The following KLC2 variants were observed in gnomAD, a reference collection of about 807,000 sequenced individuals.
KLC2 encodes KLC 2.
A neutral mutation model predicts 75.1 loss-of-function variants in KLC2; 35 were observed. The ratio of observed to expected loss-of-function variants is 0.47; its 90% CI spans 0.36 to 0.62. The LOEUF (loss-of-function observed/expected upper bound fraction) is 0.62. Among genes scored for constraint, KLC2 ranks in the 20% least tolerant of loss-of-function variants. KLC2 has a pLI of 0.00. For synonymous variants in KLC2, 314 were observed against 336.7 expected (o/e 0.93, Z 0.74); for missense variants, 611 against 833.2 (o/e 0.73, Z 3.28).
In KLC2 at chr11:66,261,843, T is replaced by G. The variant is rs778213406; in HGVS notation, c.330T>G (p.Arg110=). The G allele has an allele frequency of 9.3e-6, 15 of 1,613,656 alleles. No homozygotes were observed. In the African/African-American group the frequency reaches 1.6e-4, roughly 17 times the overall value. ...TGGTGCAGGAGAACCAGTGGCTGCG[T>G]GAGGAGCTGGCGGGGACACAGCAGA... is the stretch of plus-strand genomic sequence containing the variant. ...RRLVQENQWL[R]EELAGTQQKL... Residue 110 remains arginine, a synonymous_variant, in exon 3 of 16, where the codon CGT becomes CGG. Transcript: ENST00000394067.
Position 66,262,131 on chromosome 11 carries a change from G to C in KLC2, c.468G>C (p.Lys156Asn). ...LDEDASPNEEKGDVPKDTLDD... is the reference protein window; with the variant it reads ...LDEDASPNEENGDVPKDTLDD... ...CCTGTCTTCCTTCCCAGGAGGAGAA[G>C]GGGGACGTCCCCAAAGACACACTGG... Residue 156 changes from lysine (K) to asparagine (N), a missense_variant, in exon 4 of 16, where the codon AAG becomes AAC. Transcript: ENST00000394067. The C allele has an allele frequency of 6.2e-7, 1 of 1,613,284 alleles. No homozygotes were observed.
At position 66,262,415 on chromosome 11, in the gene KLC2, A is replaced by G. The variant is rs140488398; in HGVS notation, c.529+223A>G. The G allele has an allele frequency of 2.6e-3, 1,486 of 580,924 alleles. 3 individuals carry two copies. The highest frequency in any genetic ancestry group is 3.9e-3 in the Non-Finnish European group (1,261 of 324,010). The allele number at this position is 580,924 out of a possible 1,614,324, so 36.0% of individuals were successfully genotyped here. A position where few individuals can be genotyped will look rare whatever the true frequency, so the allele number is the denominator to read the frequency against. On this transcript the variant is annotated intron_variant, in intron 4 of 15. Coordinates refer to ENST00000394067, the MANE Select transcript of KLC2 (RefSeq NM_001318734.2). Reference sequence around the variant, plus strand: ...CTGTGGAGTCACCAGCCTGGCTTCCAGTGCTGCTCTGCCACTAGCTTCCCT... The same window carrying G: ...CTGTGGAGTCACCAGCCTGGCTTCCGGTGCTGCTCTGCCACTAGCTTCCCT...
chr11:66,264,734 T>C, intron 9 of KLC2: 2 of 582,922 alleles, frequency 3.4e-6, no homozygotes, highest in Non-Finnish European at 3.1e-6. Flanking sequence ...TCTCCCACTC[T>C]GGGAAACCAC....
chr11:66,264,237 G>A lies in KLC2; in HGVS notation c.1116+18G>A. The A allele has an allele frequency of 3.2e-6, 5 of 1,567,682 alleles. No individual in the cohort carries two copies. The highest frequency in any genetic ancestry group is 4.3e-6 in the Non-Finnish European group (5 of 1,155,048). On this transcript the variant is annotated intron_variant, in intron 8 of 15. Coordinates refer to ENST00000394067, the MANE Select transcript of KLC2 (RefSeq NM_001318734.2). ...ACAACCTGGTACCTTGGGGCTGAGA[G>A]GAGCTGGAGGATGGGAAGGAGGGAG...
the KLC2 span, among the ~76,000 whole-genome samples, chr11:66,248,595 C>T: frequency 6.6e-6 from 1 of 152,132 alleles, no homozygotes; most frequent in Non-Finnish European, 1.5e-5. Flanking sequence ...CCAACCTGGG[C>T]GACAGAGTGA....
chr11:66,264,172 C>T lies in KLC2; in HGVS notation c.1069C>T (p.Arg357Cys), dbSNP rs751130289. The change falls in exon 8 of 16, where the codon CGC (arginine) becomes TGC (cysteine). Residue 357 changes from arginine (R) to cysteine (C), a missense_variant. By Grantham distance (180) the Arg-to-Cys change is radical. Transcript: ENST00000394067. Reference protein sequence around the residue: ...YRRALEIYATRLGPDDPNVAK... With the variant: ...YRRALEIYATCLGPDDPNVAK... ...GCGGGCACTGGAGATCTATGCTACA[C>T]GCCTCGGGCCCGATGACCCCAATGT... 54 of 1,572,172 alleles carry T rather than the reference C, an allele frequency of 3.4e-5. No individual in the cohort carries two copies. The highest frequency in any genetic ancestry group is 4.1e-5 in the Non-Finnish European group (47 of 1,157,810).
rs183823412 is a variant in KLC2 at position 66,258,523 on chromosome 11, G to A, written c.-11-61G>A. On this transcript the variant is annotated intron_variant, in intron 1 of 15. Transcript: ENST00000394067. ...GGGGACCGCCTGTTTACCTAATCCG[G>A]GGCGGACGGCGGTGTGGCCCCAGGC... The A allele has an allele frequency of 8.6e-4, 1,001 of 1,162,024 alleles. 1 individual carries two copies. The highest frequency in any genetic ancestry group is 1.2e-3 in the Non-Finnish European group (946 of 789,304). The allele number at this position is 1,162,024 out of a possible 1,614,324, so 72.0% of individuals were successfully genotyped here.
rs199969024 is a variant in KLC2, at chr11:66,265,247, G to T, written c.1334+12G>T. 6.5e-7 allele frequency: 1 copy of T among 1,541,446 alleles called. No individual in the cohort carries two copies. On this transcript the variant is annotated intron_variant, in intron 11 of 15. Coordinates refer to ENST00000394067, the MANE Select transcript of KLC2 (RefSeq NM_001318734.2). ...TGTAAAGTAGACAGGTGAGTGGGGC[G>T]GGGCTGGGCTGGGGAGCAGGGCACG...
At chr11:66,258,285 T>C (rs1856150599) in intron 1 of KLC2, 1 of 411,764 alleles carries the variant, frequency 2.4e-6, no homozygotes, top group Admixed American at 4.0e-5. Context: ...ACGTTCCCCA[T>C]ACCTGTCCTG....
At chr11:66,265,552 C>A in intron 11 of KLC2, 103 bp from the exon 12 acceptor site, 1 of 930,852 alleles carries the variant, frequency 1.1e-6, no homozygotes, top group Non-Finnish European at 1.6e-6. Context: ...TGGATTCTGG[C>A]TACCCCGGAG....
chr11:66,260,458 T>G (rs1415908233), intron 2 of KLC2, among the ~76,000 whole-genome samples: 1 of 152,174 alleles, frequency 6.6e-6, no homozygotes, highest in Non-Finnish European at 1.5e-5. Flanking sequence ...ACTGCAGAAA[T>G]GATCCTGAAC....
At chr11:66,263,078 C>G in intron 5 of KLC2, 42 bp downstream of exon 5, 2 of 1,472,816 alleles carry the variant, frequency 1.4e-6, no homozygotes, top group Non-Finnish European at 1.9e-6. Flanking sequence ...CTGGAAGGCT[C>G]CAGCCCTGGA....
chr11:66,267,606 TC>T lies in KLC2; in HGVS notation c.*653del. ...ACGGGGACCTCCCCTTAGTCCGTCC[TC>T]CCACCGCCGGGCCCTGCCCCGCATC... On this transcript the variant is annotated 3_prime_UTR_variant, in exon 16 of 16. Coordinates refer to ENST00000394067, the MANE Select transcript of KLC2 (RefSeq NM_001318734.2). 1 of 599,958 alleles carries T rather than the reference TC, an allele frequency of 1.7e-6. No homozygotes were observed. Among genetic ancestry groups the T allele is most frequent in the South Asian group, 1.9e-5 (1 of 51,290 alleles). The allele number at this position is 599,958 out of a possible 1,614,324, so 37.2% of individuals were successfully genotyped here.
chr11:66,244,580 T>A, the KLC2 span: 2 of 152,260 alleles, frequency 1.3e-5, no homozygotes, highest in African/African-American at 4.8e-5. Flanking sequence ...ATTTTGAAAG[T>A]GTTTTTCTCA....
intron 5 of KLC2, among the ~76,000 whole-genome samples, 167 bp from the exon 6 acceptor site, chr11:66,263,493 C>T (rs556446024): frequency 1.9e-4 from 29 of 152,338 alleles, no homozygotes; most frequent in African/African-American, 6.5e-4. Context: ...AAACTGCCTA[C>T]AGCCCTTGGA....
At chr11:66,255,469 G>A (rs1855998452), upstream of KLC2, among the ~76,000 whole-genome samples, 1 of 152,218 alleles carries the variant, frequency 6.6e-6, no homozygotes, top group African/African-American at 2.4e-5. Context: ...GATTACAGGT[G>A]TGAGCCACTG....
At chr11:66,262,788 C>A in intron 4 of KLC2, 26 bp from the exon 5 acceptor site, 2 of 1,556,098 alleles carry the variant, frequency 1.3e-6, no homozygotes, top group Non-Finnish European at 1.8e-6. Flanking sequence ...GATGGTACAT[C>A]TGACCTCCTG....
At chr11:66,263,430 G>A (rs1041383190) in intron 5 of KLC2, among the ~76,000 whole-genome samples, 2 of 152,210 alleles carry the variant, frequency 1.3e-5, no homozygotes, top group Admixed American at 6.5e-5. Flanking sequence ...GGAATGCTAG[G>A]CACCAGGCAG....
chr11:66,260,265 T>C (rs908165601), intron 2 of KLC2, among the ~76,000 whole-genome samples: 7 of 151,956 alleles, frequency 4.6e-5, no homozygotes, highest in Admixed American at 1.3e-4. Flanking sequence ...AGCCTGGCCC[T>C]CTGCAAGGAC....
Sources: allele counts gnomAD v4.1 joint callset (sites outside exome capture counted in the v4.1 genomes callset), GRCh38; gene constraint gnomAD v4.1.1; transcripts MANE v1.5; gene names NCBI Gene and HGNC (gene_info 2026-07-23, HGNC 2026-07-21).